RNF17: variants seen among roughly 807,000 people sequenced by gnomAD.
RNF17 encodes ring finger protein 17.
In RNF17, 31 loss-of-function variants were observed where a neutral mutation model predicts 200.5. That is an observed-to-expected ratio of 0.15 (90% CI 0.12 to 0.21). RNF17 has a LOEUF of 0.21. Among genes scored for constraint, RNF17 ranks in the 10% least tolerant of loss-of-function variants. The pLI is 1.00. For synonymous variants in RNF17, 606 were observed against 637.8 expected, an observed-to-expected ratio of 0.95 and a Z score of 0.75; for missense variants, 1,628 against 1,905.1, an observed-to-expected ratio of 0.85 and a Z score of 2.71.
In RNF17 at chr13:24,764,354, C is replaced by T. The variant is rs748307130; in HGVS notation, c.130+21C>T. The T allele has an allele frequency of 7.0e-6, 11 of 1,567,282 alleles. No homozygotes were observed. The African/African-American group carries it at 9.5e-5, about 13-fold the overall frequency. On this transcript the variant is annotated intron_variant, in intron 1 of 35. Transcript: ENST00000255324. Reference sequence around the variant, plus strand: ...ATCCGGTGAGGAGCCCAAGGGCCCACCTAGCGGGGAGGCAGCCTGGAGGGA... The same window carrying T: ...ATCCGGTGAGGAGCCCAAGGGCCCATCTAGCGGGGAGGCAGCCTGGAGGGA...
chr13:24,818,628 A>G (rs1887679597), intron 15 of RNF17, among the ~76,000 whole-genome samples: 1 of 152,070 alleles, frequency 6.6e-6, no homozygotes, highest in Non-Finnish European at 1.5e-5. Flanking sequence ...TTATCAATTT[A>G]TAATGTCCTT....
At chr13:24,756,293 C>T in the RNF17 span, among the ~76,000 whole-genome samples, 1 of 151,950 alleles carries the variant, frequency 6.6e-6, no homozygotes, top group Non-Finnish European at 1.5e-5. Context: ...TATAAAACAT[C>T]AAATATTTAG....
Position 24,853,855 on chromosome 13 carries a change from A to G in RNF17, c.3321A>G (p.Arg1107=). ...ATGTGTTCTTTTTTGGATGTTACAG[A>G]ATTAATAACTTAGATAACAGCCATT... ...IKKGLALRER[R]INNLDNSHSL... is the part of the protein sequence containing the mutation. The change falls in exon 25 of 36, where the codon AGA becomes AGG. Residue 1107 remains arginine (R), a splice_region_variant and synonymous_variant. Coordinates refer to ENST00000255324, the MANE Select transcript of RNF17 (RefSeq NM_031277.3). The G allele has an allele frequency of 6.3e-7, 1 of 1,594,690 alleles. No homozygotes were observed. Among genetic ancestry groups the G allele is most frequent in the Non-Finnish European group, 8.5e-7 (1 of 1,172,002 alleles).
chr13:24,835,171 C>G (rs1593382321), intron 18 of RNF17, among the ~76,000 whole-genome samples: 1 of 152,100 alleles, frequency 6.6e-6, no homozygotes, highest in South Asian at 2.1e-4. Flanking sequence ...CTCAGCAAGA[C>G]CCACCCAAGG....
downstream of RNF17, among the ~76,000 whole-genome samples, chr13:24,881,479 A>G (rs940942895): frequency 2.6e-5 from 4 of 151,906 alleles, no homozygotes; most frequent in Non-Finnish European, 5.9e-5. Context: ...TTTTTGTCTC[A>G]TTTAAAAATC....
chr13:24,849,276 C>G (rs187363164), intron 22 of RNF17, among the ~76,000 whole-genome samples: 62 of 152,308 alleles, frequency 4.1e-4, no homozygotes, highest in African/African-American at 1.3e-3. Context: ...TATCTGTAAT[C>G]TCTTCTGTGT....
intron 18 of RNF17, among the ~76,000 whole-genome samples, chr13:24,841,058 G>A (rs971828492): frequency 5.9e-5 from 9 of 152,066 alleles, no homozygotes; most frequent in African/African-American, 1.9e-4. Context: ...TTTTAGAGAT[G>A]TTTTCTAAAG....
At chr13:24,886,177 A>ACTG in the RNF17 span, 2 of 552,556 alleles carry the variant, frequency 3.6e-6, no homozygotes, top group East Asian at 1.4e-4. Flanking sequence ...CTAAAAATAC[A>ACTG]CTGAAGTGCC....
At chr13:24,795,561 C>T (rs561242093) in intron 10 of RNF17, among the ~76,000 whole-genome samples, 172 of 152,060 alleles carry the variant, frequency 1.1e-3, no homozygotes, top group African/African-American at 4.0e-3. Context: ...GTCTTTACCT[C>T]TACTCACCCC....
At chr13:24,874,333 A>G (rs1894626335) in intron 33 of RNF17, 84 bp downstream of exon 33, 2 of 1,191,102 alleles carry the variant, frequency 1.7e-6, no homozygotes, top group Non-Finnish European at 2.3e-6. Flanking sequence ...GCCTCTTTTA[A>G]AAGAAAAGGG....
chr13:24,760,157 G>T (rs536405055), upstream of RNF17, among the ~76,000 whole-genome samples: 1 of 151,992 alleles, frequency 6.6e-6, no homozygotes, highest in African/African-American at 2.4e-5. Context: ...TATATATATA[G>T]TCTTAGTTTT....
chr13:24,860,219 C>T (rs1408325812), intron 26 of RNF17, among the ~76,000 whole-genome samples: 5 of 151,750 alleles, frequency 3.3e-5, no homozygotes, highest in African/African-American at 7.3e-5. Flanking sequence ...AAATGAAATT[C>T]AGTGTTCATC....
rs1480543959 is a variant in RNF17 at position 24,860,799 on chromosome 13, C to T, written c.3775-469C>T. Among the ~76,000 whole-genome samples the T allele has an allele frequency of 3.3e-5, 5 of 151,448 alleles. No individual in the cohort carries two copies. In the East Asian group the frequency reaches 9.7e-4, roughly 29 times the overall value. On this transcript the variant is annotated intron_variant, in intron 26 of 35. Coordinates refer to ENST00000255324, the MANE Select transcript of RNF17 (RefSeq NM_031277.3). ...AACCTTTTTACAATGAGGTTTGATA[C>T]ACTATTGGATGAGGGAATAAATACA...
chr13:24,772,486 A>T (rs1377132052), intron 2 of RNF17, among the ~76,000 whole-genome samples: 1 of 109,604 alleles, frequency 9.1e-6, no homozygotes, highest in Admixed American at 9.7e-5. Context: ...GCGATTTTTT[A>T]AAAAGTTTTC....
At chr13:24,801,639 G>T (rs1351489255) in intron 13 of RNF17, among the ~76,000 whole-genome samples, 1 of 152,004 alleles carries the variant, frequency 6.6e-6, no homozygotes, top group African/African-American at 2.4e-5. Context: ...AAAATTGTTT[G>T]CCCAGTGGGT....
Position 24,850,397 on chromosome 13 carries a change from A to G in RNF17, c.3158A>G (p.Tyr1053Cys), listed in dbSNP as rs1158360944. 4.3e-6 allele frequency: 7 copies of G among 1,613,690 alleles called. No individual in the cohort carries two copies. Among genetic ancestry groups the G allele is most frequent in the Non-Finnish European group, 5.9e-6 (7 of 1,179,796 alleles). The change falls in exon 23 of 36, where the codon TAC becomes TGC. Residue 1053 changes from tyrosine (Y) to cysteine (C), a missense_variant. Coordinates refer to ENST00000255324, the MANE Select transcript of RNF17 (RefSeq NM_031277.3). ...ACAGCTTGTGACTGTCTTTCATTGTACCTGACTGGAGCTGTAGCAACTATA... is the reference window on the plus strand; with the variant it reads ...ACAGCTTGTGACTGTCTTTCATTGTGCCTGACTGGAGCTGTAGCAACTATA... ...TATACDCLSL[Y>C]LTGAVATIIL...
At chr13:24,754,300 A>G in the RNF17 span, among the ~76,000 whole-genome samples, 7 of 152,214 alleles carry the variant, frequency 4.6e-5, no homozygotes, top group African/African-American at 1.4e-4. Context: ...ATAAGGACAC[A>G]AGAGTTTTGT....
Position 24,850,436 on chromosome 13 carries a change from A to G in RNF17, c.3197A>G (p.Asp1066Gly), listed in dbSNP as rs1593428355. Residue 1066 changes from aspartate to glycine, a missense_variant, in exon 23 of 36, where the codon GAT (aspartate) becomes GGT (glycine). Physicochemically the swap from Asp to Gly is moderately conservative, Grantham distance 94. Around this residue, in one of 5 missense-constraint regions of RNF17, gnomAD observed 609 missense variants for 681.9 expected, o/e 0.89. Transcript: ENST00000255324. Reference protein sequence around the residue: ...GAVATIILQVDSEENNTTWPL... With the variant: ...GAVATIILQVGSEENNTTWPL... ...GTAGCAACTATAATCTTACAGGTGG[A>G]TAGTGAGGTAACAAGTTACAAGAGA... 2.5e-6 allele frequency: 4 copies of G among 1,597,368 alleles called. No homozygotes were observed. The highest frequency in any genetic ancestry group is 3.3e-4 in the Middle Eastern group (2 of 5,994).
chr13:24,809,835 G>T (rs925824210), intron 15 of RNF17, among the ~76,000 whole-genome samples: 5 of 151,924 alleles, frequency 3.3e-5, no homozygotes, highest in Admixed American at 2.6e-4. Context: ...ATTCTGGTAT[G>T]TTGTGTCTTT....
Sources: gnomAD v4.1 joint callset for allele counts (sites outside exome capture counted in the v4.1 genomes callset) on GRCh38, gnomAD v4.1.1 for gene constraint, gnomAD v4.1.1 regional missense constraint, MANE v1.5 for transcripts, NCBI Gene and HGNC (gene_info 2026-07-23, HGNC 2026-07-21) for gene names.